The following LMNA variants were observed in gnomAD, a reference collection of about 807,000 sequenced individuals.
The protein encoded by LMNA is lamin.
Under a neutral mutation model 70.4 loss-of-function variants are expected in LMNA, and 20 were observed. The ratio of observed to expected loss-of-function variants is 0.28; its 90% CI spans 0.20 to 0.41. LMNA has a LOEUF of 0.41. Ranked by LOEUF, LMNA falls within the 10% of genes least tolerant of loss-of-function variation. The pLI is 1.00. For missense variants in LMNA, 652 were observed against 917.2 expected, an observed-to-expected ratio of 0.71 and a Z score of 3.73; for synonymous variants, 339 against 372.8, an observed-to-expected ratio of 0.91 and a Z score of 1.04.
At chr1:156,112,512 C>A (rs951947218), upstream of LMNA, among the ~76,000 whole-genome samples, 2 of 152,214 alleles carry the variant, frequency 1.3e-5, no homozygotes, top group Non-Finnish European at 2.9e-5. Flanking sequence ...GGGGCTGAGG[C>A]AGTGGGAACA....
Position 156,138,789 on chromosome 1 carries a change from G to T in LMNA, c.1968+32G>T. On this transcript the variant is annotated intron_variant, in intron 11 of 11. Transcript: ENST00000368300. This position sits in a 1 kb window ranked among gnomAD's most constrained non-coding sequence, Gnocchi z 5.5. ...TGTCTCTGCTTTGTCTCCAAATCCT[G>T]CAGGCGGGTCCCTGGTCATCGAGGG... The T allele has an allele frequency of 6.2e-7, 1 of 1,613,026 alleles. No homozygotes were observed. Among genetic ancestry groups the T allele is most frequent in the Non-Finnish European group, 8.5e-7 (1 of 1,179,944 alleles).
chr1:156,091,300 G>A (rs1322733545), intron 3 of LMNA, among the ~76,000 whole-genome samples: 1 of 152,130 alleles, frequency 6.6e-6, no homozygotes, highest in East Asian at 1.9e-4. Flanking sequence ...ACCTTGTAAG[G>A]ATTTAAAACA....
In LMNA at chr1:156,139,145, C is replaced by T. The variant is rs1293117979; in HGVS notation, c.*39C>T. ...AGGCAGGGGTGGGGGTGGAGGCTTC[C>T]TGCGTCCTCCTCACCTCATGCCCAC... On this transcript the variant is annotated 3_prime_UTR_variant, in exon 12 of 12. Transcript: ENST00000368300. The T allele has an allele frequency of 6.2e-7, 1 of 1,613,028 alleles. No individual in the cohort carries two copies. Among genetic ancestry groups the T allele is most frequent in the Non-Finnish European group, 8.5e-7 (1 of 1,179,838 alleles).
intron 3 of LMNA, among the ~76,000 whole-genome samples, chr1:156,106,083 C>G (rs1048168043): frequency 3.3e-5 from 5 of 151,592 alleles, no homozygotes; most frequent in African/African-American, 1.2e-4. Context: ...TGCAGTGAGC[C>G]GAGATCGCGC....
At chr1:156,126,023 A>T in intron 1 of LMNA, 1 of 334,386 alleles carries the variant, frequency 3.0e-6, no homozygotes, top group Non-Finnish European at 5.1e-6. Flanking sequence ...TTAAACAATT[A>T]AAAATTTTAA....
Position 156,137,749 on chromosome 1 carries a change from T to C in LMNA, c.1698+6T>C. The C allele has an allele frequency of 6.5e-7, 1 of 1,548,024 alleles. No individual in the cohort carries two copies. The highest frequency in any genetic ancestry group is 8.7e-7 in the Non-Finnish European group (1 of 1,146,970). The stretch of plus-strand genomic sequence containing the variant: ...ACCTGCTCCATCACCACCACGTGAG[T>C]GGTAGCCGCCGCTGAGGCCGAGCCT... On this transcript the variant is annotated splice_donor_region_variant and intron_variant, in intron 10 of 11. Coordinates refer to ENST00000368300, the MANE Select transcript of LMNA (RefSeq NM_170707.4). The surrounding 1 kb of genome is among the most constrained non-coding windows in gnomAD (Gnocchi z 4.6).
rs1027083245 is a variant in LMNA at position 156,130,493 on chromosome 1, A to T, written c.357-124A>T. 16 of 1,052,500 alleles carry T rather than the reference A, an allele frequency of 1.5e-5. No homozygotes were observed. The Admixed American group carries it at 2.4e-4, about 16-fold the overall frequency. 65.2% of individuals were successfully genotyped at this position (1,052,500 alleles called of 1,614,324 possible). Reference sequence around the variant, plus strand: ...AGATGCAAACCAACCTAATGCAAGGATGCCCTCTCCTGGTAATTGCAGGCA... The same window carrying T: ...AGATGCAAACCAACCTAATGCAAGGTTGCCCTCTCCTGGTAATTGCAGGCA... On this transcript the variant is annotated intron_variant, in intron 1 of 11. Transcript: ENST00000368300.
At chr1:156,121,414 A>G (rs1174872694) in intron 1 of LMNA, among the ~76,000 whole-genome samples, 1 of 152,124 alleles carries the variant, frequency 6.6e-6, no homozygotes, top group Non-Finnish European at 1.5e-5. Context: ...TAAAAAGCCC[A>G]AGAGAAACAA....
intron 3 of LMNA, among the ~76,000 whole-genome samples, chr1:156,091,331 G>A (rs921064724): frequency 6.6e-5 from 10 of 152,130 alleles, no homozygotes; most frequent in African/African-American, 1.7e-4. Flanking sequence ...GGCCAGGTGC[G>A]GTGGCTCACC....
At chr1:156,119,026 A>G (rs2102828968) in intron 1 of LMNA, among the ~76,000 whole-genome samples, 1 of 152,228 alleles carries the variant, frequency 6.6e-6, no homozygotes, top group South Asian at 2.1e-4. Context: ...GCTCACTGCA[A>G]CGTCAGCCTC....
Position 156,139,629 on chromosome 1 carries a change from G to T in LMNA, c.*523G>T. 6.9e-7 allele frequency: 1 copy of T among 1,452,224 alleles called. No homozygotes were observed. Among genetic ancestry groups the T allele is most frequent in the Non-Finnish European group, 9.0e-7 (1 of 1,108,568 alleles). The allele number at this position is 1,452,224 out of a possible 1,614,324, so 90.0% of individuals were successfully genotyped here. On this transcript the variant is annotated 3_prime_UTR_variant, in exon 12 of 12. Coordinates refer to ENST00000368300, the MANE Select transcript of LMNA (RefSeq NM_170707.4). ...AGGACAGCTTGAGCCGGGCCCCTGG[G>T]CTTGGCCTGCTGTGATTCCACTACA...
At chr1:156,093,248 C>T (rs1422054208) in intron 3 of LMNA, among the ~76,000 whole-genome samples, 1 of 151,568 alleles carries the variant, frequency 6.6e-6, no homozygotes, top group East Asian at 1.9e-4. Flanking sequence ...ATTCCCTGAC[C>T]CTTCACCTGG....
chr1:156,127,959 T>C (rs367960816), intron 1 of LMNA, among the ~76,000 whole-genome samples: 10 of 152,198 alleles, frequency 6.6e-5, no homozygotes, highest in African/African-American at 2.4e-4. Context: ...GTGCTGGGAT[T>C]ACAGGTGTGA....
chr1:156,123,389 T>G (rs1416209146), intron 1 of LMNA: 1 of 152,224 alleles, frequency 6.6e-6, no homozygotes, highest in East Asian at 1.9e-4. Flanking sequence ...GAGACCAGAC[T>G]GCCTAGGTCC....
rs1053217858 is a variant in LMNA at position 156,115,359 on chromosome 1, T to A, written c.356+85T>A. On this transcript the variant is annotated intron_variant, in intron 1 of 11. Transcript: ENST00000368300. This position sits in a 1 kb window ranked among gnomAD's most constrained non-coding sequence, Gnocchi z 5.8. ...CCCCTGGCCGGCCGCAGGAAGGGAG[T>A]GAGAGGGCCTGGAGGCCGATAACTT... 2.1e-4 allele frequency: 260 copies of A among 1,238,078 alleles called. No homozygotes were observed. The highest frequency in any genetic ancestry group is 5.9e-5 in the Admixed American group (3 of 50,666). The allele number at this position is 1,238,078 out of a possible 1,614,324, so 76.7% of individuals were successfully genotyped here.
chr1:156,139,967 A>G lies in LMNA; in HGVS notation c.*861A>G, dbSNP rs1651970383. On this transcript the variant is annotated 3_prime_UTR_variant, in exon 12 of 12. Coordinates refer to ENST00000368300, the MANE Select transcript of LMNA (RefSeq NM_170707.4). ...GCACCCACCGTGGAGGAGGAAGGCA[A>G]GAGGGGGTGGAGGGGTGTGGCAGTG... 2.4e-6 allele frequency: 2 copies of G among 850,792 alleles called. No homozygotes were observed. The highest frequency in any genetic ancestry group is 3.4e-6 in the Non-Finnish European group (2 of 580,526). The allele number at this position is 850,792 out of a possible 1,614,324, so 52.7% of individuals were successfully genotyped here.
In LMNA at chr1:156,136,368, G is replaced by A. The variant is rs766932100; in HGVS notation, c.1312G>A (p.Gly438Arg). 2 of 1,611,988 alleles carry A rather than the reference G, an allele frequency of 1.2e-6. No individual in the cohort carries two copies. The highest frequency in any genetic ancestry group is 1.7e-6 in the Non-Finnish European group (2 of 1,179,924). The change falls in exon 7 of 12, where the codon GGG becomes AGG. Residue 438 changes from glycine (G) to arginine (R), a missense_variant. Physicochemically the swap from Gly to Arg is moderately radical, Grantham distance 125 (BLOSUM62 -2). Coordinates refer to ENST00000368300, the MANE Select transcript of LMNA (RefSeq NM_170707.4). This position sits in a 1 kb window ranked among gnomAD's most constrained non-coding sequence, Gnocchi z 6.1. ...SSFSQHARTS[G>R]RVAVEEVDEE... The stretch of plus-strand genomic sequence containing the variant: ...CTTCTCACAGCACGCACGCACTAGC[G>A]GGCGCGTGGCCGTGGAGGAGGTGGA...
At chr1:156,108,977 CAG>C (rs753063974) in intron 3 of LMNA, among the ~76,000 whole-genome samples, 4 of 152,142 alleles carry the variant, frequency 2.6e-5, no homozygotes, top group Non-Finnish European at 5.9e-5. Context: ...TCTCTGACAA[CAG>C]AGAATTATCT....
intron 1 of LMNA, among the ~76,000 whole-genome samples, chr1:156,118,058 A>G (rs1389107030): frequency 1.3e-5 from 2 of 149,610 alleles, no homozygotes; most frequent in Non-Finnish European, 3.0e-5. Flanking sequence ...TTTTGGCCTC[A>G]AGCAATCCTC....
Sources: allele counts gnomAD v4.1 joint callset (sites outside exome capture counted in the v4.1 genomes callset), GRCh38; gene constraint gnomAD v4.1.1; non-coding constraint Gnocchi (gnomAD v3.1); transcripts MANE v1.5; gene names NCBI Gene and HGNC (gene_info 2026-07-23, HGNC 2026-07-21).